The following NLGN1 variants were observed in gnomAD, a reference collection of about 807,000 sequenced individuals.
The protein encoded by NLGN1 is neuroligin 1, also known as neuroligin-1.
Under a neutral mutation model 65.5 loss-of-function variants are expected in NLGN1, and 12 were observed. That is an observed-to-expected ratio of 0.18 (90% CI 0.12 to 0.30). The LOEUF (loss-of-function observed/expected upper bound fraction) is 0.30, where lower values mean the gene tolerates loss of function less well. NLGN1 is among the 10% of genes least tolerant of loss of function. The pLI is 1.00. For synonymous variants in NLGN1, 350 were observed against 359.5 expected (o/e 0.97, Z 0.30); for missense variants, 750 against 1,007.1 (o/e 0.74, Z 3.46).
intron 2 of NLGN1, among the ~76,000 whole-genome samples, chr3:173,569,716 G>C (rs1208294634): frequency 2.6e-5 from 4 of 151,834 alleles, no homozygotes; most frequent in African/African-American, 4.8e-5. Context: ...TATCTAGCAA[G>C]ACATCTCTGT....
chr3:173,725,517 C>T (rs916893196), intron 3 of NLGN1, among the ~76,000 whole-genome samples: 6 of 152,168 alleles, frequency 3.9e-5, no homozygotes, highest in Admixed American at 3.9e-4. Flanking sequence ...GGGATCCCTT[C>T]CCCCCAAAAT....
In NLGN1 at chr3:173,683,550, G is replaced by T. The variant is rs144992245; in HGVS notation, c.493+78459G>T. 5.6e-3 allele frequency among the ~76,000 whole-genome samples: 846 copies of T among 152,122 alleles called. 3 individuals are homozygous for T. The highest frequency in any genetic ancestry group is 8.9e-3 in the Non-Finnish European group (605 of 67,988). On this transcript the variant is annotated intron_variant, in intron 3 of 6. Transcript: ENST00000457714. ...ATTTGAGGTAGTAACTCAAAATATGGTTTTTTTACCCTCTTTCTCTCATTC... is the reference window on the plus strand; with the variant it reads ...ATTTGAGGTAGTAACTCAAAATATGTTTTTTTTACCCTCTTTCTCTCATTC...
intron 4 of NLGN1, among the ~76,000 whole-genome samples, chr3:174,076,256 A>G (rs536924331): frequency 6.6e-6 from 1 of 152,280 alleles, no homozygotes; most frequent in East Asian, 1.9e-4. Context: ...ACATATATGT[A>G]TATATGAAAA....
chr3:174,197,518 CAAAA>C (rs10663769), intron 4 of NLGN1, among the ~76,000 whole-genome samples: 1 of 100,412 alleles, frequency 1.0e-5, no homozygotes. Context: ...TACTTAACCT[CAAAA>C]AAAAAAAAAA....
At chr3:173,665,152 ATAATCCCCATGTG>A (rs1373112422) in intron 3 of NLGN1, among the ~76,000 whole-genome samples, 5 of 152,180 alleles carry the variant, frequency 3.3e-5, no homozygotes, top group Non-Finnish European at 7.3e-5. Flanking sequence ...AATTAGAATT[ATAATCCCCATGTG>A]TTGGGGAAGG....
At chr3:173,500,854 G>C (rs948358571) in intron 2 of NLGN1, among the ~76,000 whole-genome samples, 1 of 151,742 alleles carries the variant, frequency 6.6e-6, no homozygotes, top group African/African-American at 2.4e-5. Flanking sequence ...ACAACACTGA[G>C]CCCATATAAT....
intron 2 of NLGN1, among the ~76,000 whole-genome samples, chr3:173,528,537 C>T (rs1361136619): frequency 6.6e-6 from 1 of 152,126 alleles, no homozygotes; most frequent in African/African-American, 2.4e-5. Flanking sequence ...ATGTTTTCCA[C>T]ATTTCTTAGT....
chr3:173,988,717 C>T (rs1373752910), intron 4 of NLGN1, among the ~76,000 whole-genome samples: 1 of 152,092 alleles, frequency 6.6e-6, no homozygotes, highest in Non-Finnish European at 1.5e-5. Context: ...AAATTCCATA[C>T]ACAAATAGCT....
At chr3:173,889,289 C>T (rs929922463) in intron 4 of NLGN1, among the ~76,000 whole-genome samples, 5 of 152,038 alleles carry the variant, frequency 3.3e-5, no homozygotes, top group Non-Finnish European at 5.9e-5. Flanking sequence ...TATGACAAGA[C>T]GGTTATTGGG....
At chr3:173,474,506 C>A (rs1725853302) in intron 2 of NLGN1, among the ~76,000 whole-genome samples, 1 of 152,030 alleles carries the variant, frequency 6.6e-6, no homozygotes, top group African/African-American at 2.4e-5. Flanking sequence ...ATGAAATGTT[C>A]AAAATTATTT....
chr3:173,711,516 G>A (rs1018239727), intron 3 of NLGN1, among the ~76,000 whole-genome samples: 1 of 152,126 alleles, frequency 6.6e-6, no homozygotes, highest in African/African-American at 2.4e-5. Context: ...TTATAACAGT[G>A]TCTTTTGAAA....
chr3:174,066,564 C>CTCTCTG (rs1553925385), intron 4 of NLGN1, among the ~76,000 whole-genome samples: 3,241 of 99,044 alleles, frequency 0.033, 92 homozygotes, highest in East Asian at 0.074. Context: ...CTCTCTCTCT[C>CTCTCTG]TGTGTGTGTG....
At chr3:173,721,747 A>G (rs989572239) in intron 3 of NLGN1, among the ~76,000 whole-genome samples, 1 of 152,230 alleles carries the variant, frequency 6.6e-6, no homozygotes, top group African/African-American at 2.4e-5. Context: ...TTAGAAAGCT[A>G]TAAAATAATT....
intron 3 of NLGN1, among the ~76,000 whole-genome samples, chr3:173,711,503 G>A (rs1156365976): frequency 1.3e-5 from 2 of 152,090 alleles, no homozygotes; most frequent in African/African-American, 4.8e-5. Flanking sequence ...TTTTAATGAT[G>A]GTTTATAACA....
intron 4 of NLGN1, among the ~76,000 whole-genome samples, chr3:174,212,069 C>T (rs576826611): frequency 7.9e-5 from 12 of 152,264 alleles, no homozygotes; most frequent in African/African-American, 1.9e-4. Context: ...CCCACGGAGG[C>T]GGGGGAAGGC....
chr3:173,759,846 A>G (rs1314785722), intron 3 of NLGN1, among the ~76,000 whole-genome samples: 1 of 151,792 alleles, frequency 6.6e-6, no homozygotes, highest in Non-Finnish European at 1.5e-5. Flanking sequence ...TTTTTAAATT[A>G]TTTCTATTGT....
At chr3:174,109,847 A>G (rs1166302080) in intron 4 of NLGN1, among the ~76,000 whole-genome samples, 1 of 152,112 alleles carries the variant, frequency 6.6e-6, no homozygotes, top group Non-Finnish European at 1.5e-5. Context: ...GTGTATGCTG[A>G]TACTACAGCA....
intron 4 of NLGN1, among the ~76,000 whole-genome samples, chr3:173,815,188 G>C (rs2150498442): frequency 6.7e-6 from 1 of 149,674 alleles, no homozygotes; most frequent in South Asian, 2.1e-4. Context: ...GTGGCTCACT[G>C]CAACCTCCGC....
At chr3:174,053,719 T>A (rs906197374) in intron 4 of NLGN1, among the ~76,000 whole-genome samples, 1 of 151,990 alleles carries the variant, frequency 6.6e-6, no homozygotes, top group Admixed American at 6.6e-5. Flanking sequence ...TCTTTTCCTA[T>A]TCCCTAATCC....
Sources: allele counts gnomAD v4.1 joint callset (sites outside exome capture counted in the v4.1 genomes callset), GRCh38; gene constraint gnomAD v4.1.1; transcripts MANE v1.5; gene names NCBI Gene and HGNC (gene_info 2026-07-23, HGNC 2026-07-21).